The following COL25A1 variants were observed in gnomAD, a reference collection of about 807,000 sequenced individuals.
The protein encoded by COL25A1 is collagen type XXV alpha 1 chain.
In COL25A1, 103 loss-of-function variants were observed where a neutral mutation model predicts 128.4. The ratio of observed to expected loss-of-function variants is 0.80; its 90% CI spans 0.68 to 0.94. COL25A1 has a LOEUF of 0.94. COL25A1 is among the 40% of genes least tolerant of loss of function. The pLI, the probability that COL25A1 is intolerant of heterozygous loss-of-function variation, is 0.00. For synonymous variants in COL25A1, 279 were observed against 277.2 expected, an observed-to-expected ratio of 1.01 and a Z score of -0.06; for missense variants, 745 against 840.0, an observed-to-expected ratio of 0.89 and a Z score of 1.40.
intron 3 of COL25A1, among the ~76,000 whole-genome samples, chr4:109,230,957 G>A (rs1479519183): frequency 6.6e-6 from 1 of 152,038 alleles, no homozygotes; most frequent in Non-Finnish European, 1.5e-5. Flanking sequence ...TGGCCAACAT[G>A]GTGAAACCCC....
At chr4:109,088,749 T>C (rs1764638958) in intron 3 of COL25A1, among the ~76,000 whole-genome samples, 1 of 152,210 alleles carries the variant, frequency 6.6e-6, no homozygotes, top group Non-Finnish European at 1.5e-5. Context: ...CATACTCTTC[T>C]CTGCGGGGCC....
At chr4:108,953,471 T>C (rs1262257732) in intron 8 of COL25A1, among the ~76,000 whole-genome samples, 1 of 152,212 alleles carries the variant, frequency 6.6e-6, no homozygotes, top group Non-Finnish European at 1.5e-5. Flanking sequence ...TTATATTTGA[T>C]GTCATTTGTA....
chr4:109,218,356 G>GTTTTTTTTTTTT (rs796441649), intron 3 of COL25A1, among the ~76,000 whole-genome samples: 5 of 100,468 alleles, frequency 5.0e-5, no homozygotes, highest in Admixed American at 1.3e-4. Flanking sequence ...GGTTTTTTGG[G>GTTTTTTTTTTTT]GTTTTTTTTT....
chr4:108,937,897 C>A (rs1223374145), intron 10 of COL25A1, 54 bp from the exon 11 acceptor site: 9 of 1,406,524 alleles, frequency 6.4e-6, no homozygotes, highest in Non-Finnish European at 6.8e-6. Context: ...TAAAAAAAAA[C>A]CCTTCAATCA....
chr4:109,241,671 C>T (rs971748379), intron 3 of COL25A1, among the ~76,000 whole-genome samples: 3 of 151,332 alleles, frequency 2.0e-5, no homozygotes, highest in Admixed American at 6.6e-5. Flanking sequence ...CTCAGGTGGA[C>T]ACCACCAGTT....
chr4:108,860,097 A>G (rs1736999629), intron 23 of COL25A1, among the ~76,000 whole-genome samples: 1 of 152,146 alleles, frequency 6.6e-6, no homozygotes, highest in Non-Finnish European at 1.5e-5. Context: ...TTCCTCATCC[A>G]TACCTCATAC....
chr4:108,930,767 T>C (rs1342546827), intron 11 of COL25A1, among the ~76,000 whole-genome samples: 1 of 152,214 alleles, frequency 6.6e-6, no homozygotes, highest in Non-Finnish European at 1.5e-5. Context: ...AGAATATATC[T>C]GTAAAGGTTG....
intron 3 of COL25A1, among the ~76,000 whole-genome samples, chr4:109,283,728 T>C (rs560211708): frequency 1.3e-5 from 2 of 152,338 alleles, no homozygotes; most frequent in East Asian, 3.9e-4. Flanking sequence ...TCTTCATTTA[T>C]ACTAACGTTT....
intron 3 of COL25A1, among the ~76,000 whole-genome samples, chr4:109,299,670 T>C (rs1725321204): frequency 6.6e-6 from 1 of 152,188 alleles, no homozygotes; most frequent in Non-Finnish European, 1.5e-5. Context: ...TCACTTTCCA[T>C]GAGTGATGAT....
At chr4:109,115,113 A>AT (rs1182921456) in intron 3 of COL25A1, among the ~76,000 whole-genome samples, 1 of 152,250 alleles carries the variant, frequency 6.6e-6, no homozygotes, top group African/African-American at 2.4e-5. Flanking sequence ...CACATATTGA[A>AT]TAAGAGTCAA....
At chr4:109,059,825 A>G (rs981254135) in intron 3 of COL25A1, among the ~76,000 whole-genome samples, 4 of 152,194 alleles carry the variant, frequency 2.6e-5, no homozygotes, top group Non-Finnish European at 4.4e-5. Context: ...TCATTATTGT[A>G]TTCGCAGTAC....
chr4:108,817,433 C>A lies in COL25A1; in HGVS notation c.1926G>T (p.Gly642=), dbSNP rs771902612. Residue 642 remains glycine (G), a splice_region_variant and synonymous_variant, in exon 37 of 38, where the codon GGG becomes GGT. Coordinates refer to ENST00000399132, the MANE Select transcript of COL25A1 (RefSeq NM_198721.4). The stretch of plus-strand genomic sequence containing the variant: ...AGCCAGGCATGGGTAAGCCATCTGG[C>A]CCCTGTTTTAAAGAGAAGAAAAAGA... ...LDGLDAPCQL[G]PDGLPMPGCW... 1.4e-5 allele frequency: 22 copies of A among 1,612,930 alleles called. No homozygotes were observed. In the African/African-American group the frequency reaches 2.9e-4, roughly 22 times the overall value.
intron 5 of COL25A1, among the ~76,000 whole-genome samples, chr4:109,013,941 CCCACCCCA>C (rs1756959017): frequency 6.6e-6 from 1 of 152,088 alleles, no homozygotes; most frequent in South Asian, 2.1e-4. Flanking sequence ...GCACTCCTCC[CCCACCCCA>C]CCAACCCCCC....
At chr4:109,126,064 G>A (rs1041210572) in intron 3 of COL25A1, among the ~76,000 whole-genome samples, 9 of 151,968 alleles carry the variant, frequency 5.9e-5, no homozygotes, top group African/African-American at 1.9e-4. Flanking sequence ...TTGCTGTGCC[G>A]TAATATTTTT....
intron 19 of COL25A1, among the ~76,000 whole-genome samples, chr4:108,875,700 T>C (rs1203273750): frequency 6.6e-6 from 1 of 152,186 alleles, no homozygotes; most frequent in Non-Finnish European, 1.5e-5. Flanking sequence ...GACACAGCAA[T>C]CTCATTACTG....
chr4:109,198,294 T>TCA (rs112993547), intron 3 of COL25A1, among the ~76,000 whole-genome samples: 8,514 of 143,900 alleles, frequency 0.059, 259 homozygotes, highest in Admixed American at 0.08. Context: ...GCATATTCAT[T>TCA]CACACACACA....
At chr4:108,904,696 C>A (rs1020606203) in intron 13 of COL25A1, among the ~76,000 whole-genome samples, 1 of 152,008 alleles carries the variant, frequency 6.6e-6, no homozygotes, top group African/African-American at 2.4e-5. Context: ...TTTCTGAACA[C>A]ATTTCATACT....
intron 3 of COL25A1, among the ~76,000 whole-genome samples, chr4:109,226,031 C>T (rs529910075): frequency 1.2e-4 from 17 of 145,224 alleles, no homozygotes; most frequent in African/African-American, 4.1e-4. Flanking sequence ...ACACACACAA[C>T]GGAATACTAT....
chr4:108,934,279 A>G (rs1174930281), intron 11 of COL25A1, among the ~76,000 whole-genome samples: 1 of 151,310 alleles, frequency 6.6e-6, no homozygotes, highest in Non-Finnish European at 1.5e-5. Flanking sequence ...GTGGGAATTG[A>G]ACAATGAGAT....
Sources: gnomAD v4.1 joint callset for allele counts (sites outside exome capture counted in the v4.1 genomes callset) on GRCh38, gnomAD v4.1.1 for gene constraint, MANE v1.5 for transcripts, NCBI Gene and HGNC (gene_info 2026-07-23, HGNC 2026-07-21) for gene names.